FAM181B: variants seen among roughly 807,000 people sequenced by gnomAD.
FAM181B encodes the protein family with sequence similarity 181 member B, also known as protein FAM181B.
A neutral mutation model predicts 17.8 loss-of-function variants in FAM181B; 13 were observed. The observed-to-expected ratio is 0.73, with a 90% CI of 0.48 to 1.16. The LOEUF (loss-of-function observed/expected upper bound fraction) is 1.16. Among genes scored for constraint, FAM181B ranks in the 50% most tolerant of loss-of-function variants. The pLI, the probability that FAM181B is intolerant of heterozygous loss-of-function variation, is 0.00. For synonymous variants in FAM181B, 338 were observed against 316.5 expected (o/e 1.07, Z -0.72); for missense variants, 725 against 634.1 (o/e 1.14, Z -1.54).
In FAM181B at chr11:82,732,445, G is replaced by A. The variant is rs1857141921; in HGVS notation, c.*4C>T. On this transcript the variant is annotated 3_prime_UTR_variant, in exon 1 of 1. Transcript: ENST00000329203. The stretch of plus-strand genomic sequence containing the variant: ...TCTCTAATGAAGGGAAGCGTGCCTC[G>A]AAGTCAGTCCCGGTGCGCCCCCTCC... 1 of 1,612,262 alleles carries A rather than the reference G, an allele frequency of 6.2e-7. No homozygotes were observed.
In FAM181B at chr11:82,730,624, G is replaced by A. The variant is rs1437346168; in HGVS notation, c.*1825C>T. On this transcript the variant is annotated 3_prime_UTR_variant, in exon 1 of 1. Transcript: ENST00000329203. ...ACATTAGCTTTCTGGAGTTGCAAAA[G>A]TTCTTTTCATCATTAACAGTACTCG... The A allele has an allele frequency of 6.6e-6, 1 of 152,188 alleles. No individual in the cohort carries two copies. The highest frequency in any genetic ancestry group is 1.5e-5 in the Non-Finnish European group (1 of 68,034). The allele number at this position is 152,188 out of a possible 1,614,324, so 9.4% of individuals were successfully genotyped here. A position where few individuals can be genotyped will look rare whatever the true frequency, so the allele number is the denominator to read the frequency against.
chr11:82,732,808 A>AGC lies in FAM181B; in HGVS notation c.921_922insGC (p.Phe308AlafsTer31). Reference sequence around the variant, plus strand: ...CCCACCACTGCCGGCGGCGGCTCAAAGAGGCCGGGCTCCAGCTCCGGGGGT... The same window carrying AGC: ...CCCACCACTGCCGGCGGCGGCTCAAAGCGAGGCCGGGCTCCAGCTCCGGGGGT... On this transcript the variant is annotated frameshift_variant, in exon 1 of 1. Coordinates refer to ENST00000329203, the MANE Select transcript of FAM181B (RefSeq NM_175885.4). LOFTEE classifies it high-confidence loss of function. 6.6e-7 allele frequency: 1 copy of AGC among 1,510,492 alleles called. No homozygotes were observed. Among genetic ancestry groups the AGC allele is most frequent in the Non-Finnish European group, 8.9e-7 (1 of 1,128,816 alleles). The allele number at this position is 1,510,492 out of a possible 1,614,324, so 93.6% of individuals were successfully genotyped here. A position where few individuals can be genotyped will look rare whatever the true frequency, so the allele number is the denominator to read the frequency against.
rs1857158985 is a variant in FAM181B at position 82,733,093 on chromosome 11, C to T, written c.637G>A (p.Ala213Thr). The T allele has an allele frequency of 6.7e-7, 1 of 1,495,284 alleles. No individual in the cohort carries two copies. Among genetic ancestry groups the T allele is most frequent in the African/African-American group, 1.5e-5 (1 of 68,888 alleles). The allele number at this position is 1,495,284 out of a possible 1,614,324, so 92.6% of individuals were successfully genotyped here. The change falls in exon 1 of 1, where the codon GCG (alanine) becomes ACG (threonine). Residue 213 changes from alanine (A) to threonine (T), a missense_variant. Coordinates refer to ENST00000329203, the MANE Select transcript of FAM181B (RefSeq NM_175885.4). ...GDVAGPAGATAIPGARKVPLR... is the reference protein window; with the variant it reads ...GDVAGPAGATTIPGARKVPLR... ...GGGACCTTCCTGGCCCCTGGGATCG[C>T]CGTGGCCCCCGCGGGGCCTGCCACG...
rs1323853918 is a variant in FAM181B, at chr11:82,733,622, G to A, written c.108C>T (p.Cys36=). ...CCCCGGTCTCATCGTCCTCGAAACA[G>A]CAGCCCTTGTCCAGGGCTCCGAAGG... ...GGAFGALDKG[C]CFEDDETGAP... is the part of the protein sequence containing the mutation. Residue 36 remains cysteine (C), a synonymous_variant, in exon 1 of 1, where the codon TGC becomes TGT. Transcript: ENST00000329203. 3.1e-6 allele frequency: 5 copies of A among 1,602,048 alleles called. No individual in the cohort carries two copies. The highest frequency in any genetic ancestry group is 2.2e-5 in the East Asian group (1 of 44,524).
rs747888156 is a variant in FAM181B at position 82,732,624 on chromosome 11, T to G, written c.1106A>C (p.His369Pro). The change falls in exon 1 of 1, where the codon CAT (histidine) becomes CCT (proline). Residue 369 changes from histidine to proline, a missense_variant. Physicochemically the swap from His to Pro is moderately conservative, Grantham distance 77 (BLOSUM62 -2). Transcript: ENST00000329203. ...AAAGAAGGGGGCGAAAGAGGCCAAATGGCCCCGCCCGTCCTCCCCGCCGGG... is the reference window on the plus strand; with the variant it reads ...AAAGAAGGGGGCGAAAGAGGCCAAAGGGCCCCGCCCGTCCTCCCCGCCGGG... ...DSPGGEDGRG[H>P]LASFAPFFPD... The G allele has an allele frequency of 1.3e-6, 2 of 1,544,624 alleles. No individual in the cohort carries two copies. Among genetic ancestry groups the G allele is most frequent in the East Asian group, 2.4e-5 (1 of 41,890 alleles).
At position 82,732,690 on chromosome 11, in the gene FAM181B, T is replaced by A; in HGVS notation, c.1040A>T (p.Asn347Ile). The change falls in exon 1 of 1, where the codon AAC becomes ATC. Residue 347 changes from asparagine (N) to isoleucine (I), a missense_variant. Transcript: ENST00000329203. ...LTAPRGGLTL[N>I]EPLSPLYPAA... Reference sequence around the variant, plus strand: ...GGGGTACAGGGGGCTCAAGGGCTCGTTCAAGGTCAAGCCGCCGCGGGGGGC... The same window carrying A: ...GGGGTACAGGGGGCTCAAGGGCTCGATCAAGGTCAAGCCGCCGCGGGGGGC... The A allele has an allele frequency of 1.4e-6, 2 of 1,463,188 alleles. No individual in the cohort carries two copies. The highest frequency in any genetic ancestry group is 2.9e-5 in the South Asian group (2 of 69,218). The allele number at this position is 1,463,188 out of a possible 1,614,324, so 90.6% of individuals were successfully genotyped here. A position where few individuals can be genotyped will look rare whatever the true frequency, so the allele number is the denominator to read the frequency against.
Position 82,732,718 on chromosome 11 carries a change from T to G in FAM181B, c.1012A>C (p.Thr338Pro). The change falls in exon 1 of 1, where the codon ACT becomes CCT. Residue 338 changes from threonine (T) to proline (P), a missense_variant. Transcript: ENST00000329203. ...GCSPTKKSPL[T>P]APRGGLTLNE... ...AAGGTCAAGCCGCCGCGGGGGGCAGTCAGGGGGCTCTTTTTGGTCGGGGAG... is the reference window on the plus strand; with the variant it reads ...AAGGTCAAGCCGCCGCGGGGGGCAGGCAGGGGGCTCTTTTTGGTCGGGGAG... 1 of 1,456,756 alleles carries G rather than the reference T, an allele frequency of 6.9e-7. No homozygotes were observed. The highest frequency in any genetic ancestry group is 9.1e-7 in the Non-Finnish European group (1 of 1,103,240). The allele number at this position is 1,456,756 out of a possible 1,614,324, so 90.2% of individuals were successfully genotyped here.
At position 82,733,372 on chromosome 11, in the gene FAM181B, C is replaced by T; in HGVS notation, c.358G>A (p.Ala120Thr). ...GGCCGTTTGGCTGGCGTGTCGGCGG[C>T]GCTCGGGGAGGGCGGGCCGGGGGGC... ...AAPPGPPSPS[A>T]ADTPAKRPLA... Residue 120 changes from alanine to threonine, a missense_variant, in exon 1 of 1, where the codon GCC becomes ACC. Ala to Thr is a moderately conservative substitution (Grantham distance 58). Transcript: ENST00000329203. 7.1e-7 allele frequency: 1 copy of T among 1,411,998 alleles called. No individual in the cohort carries two copies. The allele number at this position is 1,411,998 out of a possible 1,614,324, so 87.5% of individuals were successfully genotyped here. A position where few individuals can be genotyped will look rare whatever the true frequency, so the allele number is the denominator to read the frequency against.
rs1857124477 is a variant in FAM181B at position 82,731,107 on chromosome 11, G to C, written c.*1342C>G. The C allele has an allele frequency of 6.6e-6, 1 of 152,192 alleles. No individual in the cohort carries two copies. The highest frequency in any genetic ancestry group is 1.5e-5 in the Non-Finnish European group (1 of 68,080). The allele number at this position is 152,192 out of a possible 1,614,324, so 9.4% of individuals were successfully genotyped here. A position where few individuals can be genotyped will look rare whatever the true frequency, so the allele number is the denominator to read the frequency against. On this transcript the variant is annotated 3_prime_UTR_variant, in exon 1 of 1. Coordinates refer to ENST00000329203, the MANE Select transcript of FAM181B (RefSeq NM_175885.4). The stretch of plus-strand genomic sequence containing the variant: ...GTCCTCTCTGCCACATTCATGGCTG[G>C]TAAAAATATTTCTTTTTCCCCAAAT...
At position 82,733,812 on chromosome 11, in the gene FAM181B, C is replaced by T. The variant is rs1857176343; in HGVS notation, c.-83G>A. The T allele has an allele frequency of 1.8e-6, 2 of 1,122,266 alleles. No homozygotes were observed. The highest frequency in any genetic ancestry group is 1.1e-6 in the Non-Finnish European group (1 of 902,940). The allele number at this position is 1,122,266 out of a possible 1,614,324, so 69.5% of individuals were successfully genotyped here. A position where few individuals can be genotyped will look rare whatever the true frequency, so the allele number is the denominator to read the frequency against. On this transcript the variant is annotated 5_prime_UTR_variant, in exon 1 of 1. Transcript: ENST00000329203. ...CGCCGCCCAGACCCAGCTCCCGCCC[C>T]GGCGCGGCGCGCGCGGCGCAGCCTA...
At position 82,730,400 on chromosome 11, in the gene FAM181B, AAGG is replaced by A. The variant is rs904111785; in HGVS notation, c.*2046_*2048del. ...ACCTGTTTTACTACACTAGGTAAGA[AAGG>A]AGAGGAGAATTAAGAAACATTACAA... is the stretch of plus-strand genomic sequence containing the variant. On this transcript the variant is annotated 3_prime_UTR_variant, in exon 1 of 1. Transcript: ENST00000329203. 1 of 152,256 alleles carries A rather than the reference AAGG, an allele frequency of 6.6e-6. No homozygotes were observed. The highest frequency in any genetic ancestry group is 1.5e-5 in the Non-Finnish European group (1 of 68,046). The allele number at this position is 152,256 out of a possible 1,614,324, so 9.4% of individuals were successfully genotyped here.
rs1341196531 is a variant in FAM181B, at chr11:82,733,652, C to T, written c.78G>A (p.Gly26=). Residue 26 remains glycine (G), a synonymous_variant, in exon 1 of 1, where the codon GGG becomes GGA. Transcript: ENST00000329203. The part of the protein sequence containing the change: ...FGFGGSPDGL[G]GAFGALDKGC... The stretch of plus-strand genomic sequence containing the variant: ...CCTTGTCCAGGGCTCCGAAGGCGCC[C>T]CCTAGCCCGTCCGGGGAGCCCCCGA... 6.3e-7 allele frequency: 1 copy of T among 1,581,238 alleles called. No homozygotes were observed. The highest frequency in any genetic ancestry group is 8.6e-7 in the Non-Finnish European group (1 of 1,169,200).
Position 82,732,327 on chromosome 11 carries a change from T to G in FAM181B, c.*122A>C. On this transcript the variant is annotated 3_prime_UTR_variant, in exon 1 of 1. Coordinates refer to ENST00000329203, the MANE Select transcript of FAM181B (RefSeq NM_175885.4). ...TCTGAAGTTGCTTTTATTAATTGAATTTTTAAAAATCTGGTTTCATCTCCA... is the reference window on the plus strand; with the variant it reads ...TCTGAAGTTGCTTTTATTAATTGAAGTTTTAAAAATCTGGTTTCATCTCCA... 1.0e-6 allele frequency: 1 copy of G among 978,366 alleles called. No individual in the cohort carries two copies. Among genetic ancestry groups the G allele is most frequent in the East Asian group, 2.8e-5 (1 of 35,364 alleles). 60.6% of individuals were successfully genotyped at this position (978,366 alleles called of 1,614,324 possible). A position where few individuals can be genotyped will look rare whatever the true frequency, so the allele number is the denominator to read the frequency against.
Position 82,732,854 on chromosome 11 carries a change from G to A in FAM181B, c.876C>T (p.Ala292=), listed in dbSNP as rs183621176. The A allele has an allele frequency of 5.2e-4, 805 of 1,539,584 alleles. 5 individuals carry two copies. The African/African-American group carries it at 0.01, about 20-fold the overall frequency. The part of the protein sequence containing the change: ...LAAEPLDVFP[A]GASVLRGPPE... ...GGGGTCCCCGCAGTACGGAGGCTCC[G>A]GCGGGGAACACGTCGAGAGGCTCGG... Residue 292 remains alanine (A), a synonymous_variant, in exon 1 of 1, where the codon GCC becomes GCT. Transcript: ENST00000329203.
chr11:82,730,529 G>A lies in FAM181B; in HGVS notation c.*1920C>T, dbSNP rs1359124203. The A allele has an allele frequency of 6.6e-6, 1 of 152,114 alleles. No homozygotes were observed. The highest frequency in any genetic ancestry group is 2.4e-5 in the African/African-American group (1 of 41,410). 9.4% of individuals were successfully genotyped at this position (152,114 alleles called of 1,614,324 possible). On this transcript the variant is annotated 3_prime_UTR_variant, in exon 1 of 1. Coordinates refer to ENST00000329203, the MANE Select transcript of FAM181B (RefSeq NM_175885.4). ...CACAACAGTTTAGACAAATTAAATC[G>A]TTATTAAGTAATATTCTGTTAGCAC...
rs368066422 is a variant in FAM181B, at chr11:82,730,311, C to A, written c.*2138G>T. ...TGAGTTAGCTTAAATGCCTGGGATG[C>A]GGAAACAATGTTGATATTATTATTA... On this transcript the variant is annotated 3_prime_UTR_variant, in exon 1 of 1. Coordinates refer to ENST00000329203, the MANE Select transcript of FAM181B (RefSeq NM_175885.4). 1.3e-5 allele frequency: 2 copies of A among 152,082 alleles called. No homozygotes were observed. Among genetic ancestry groups the A allele is most frequent in the Non-Finnish European group, 1.5e-5 (1 of 68,038 alleles). The allele number at this position is 152,082 out of a possible 1,614,324, so 9.4% of individuals were successfully genotyped here.
rs907326010 is a variant in FAM181B at position 82,730,245 on chromosome 11, A to G, written c.*2204T>C. 2 of 152,236 alleles carry G rather than the reference A, an allele frequency of 1.3e-5. No individual in the cohort carries two copies. The highest frequency in any genetic ancestry group is 4.8e-5 in the African/African-American group (2 of 41,468). 9.4% of individuals were successfully genotyped at this position (152,236 alleles called of 1,614,324 possible). A position where few individuals can be genotyped will look rare whatever the true frequency, so the allele number is the denominator to read the frequency against. On this transcript the variant is annotated 3_prime_UTR_variant, in exon 1 of 1. Transcript: ENST00000329203. Reference sequence around the variant, plus strand: ...TTTGGCTAGGGACACAGATCCAAACAGTATCAAGCACCTACATCATGGCAA... The same window carrying G: ...TTTGGCTAGGGACACAGATCCAAACGGTATCAAGCACCTACATCATGGCAA...
chr11:82,732,571 G>A lies in FAM181B; in HGVS notation c.1159C>T (p.Pro387Ser). 6.2e-7 allele frequency: 1 copy of A among 1,608,324 alleles called. No individual in the cohort carries two copies. The highest frequency in any genetic ancestry group is 1.1e-5 in the South Asian group (1 of 90,556). Residue 387 changes from proline to serine, a missense_variant, in exon 1 of 1, where the codon CCG becomes TCG. By Grantham distance (74) the Pro-to-Ser change is moderately conservative. Transcript: ENST00000329203. ...FPDCALPPPP[P>S]PHQVSYDYSA... ...TAATCGTAGGACACCTGATGGGGCGGCGGCGGCGGGGGCAGGGCGCAGTCT... is the reference window on the plus strand; with the variant it reads ...TAATCGTAGGACACCTGATGGGGCGACGGCGGCGGGGGCAGGGCGCAGTCT...
Position 82,732,276 on chromosome 11 carries a change from TC to T in FAM181B, c.*172del. The T allele has an allele frequency of 4.5e-6, 3 of 660,196 alleles. No homozygotes were observed. The highest frequency in any genetic ancestry group is 5.2e-6 in the Non-Finnish European group (2 of 387,442). 40.9% of individuals were successfully genotyped at this position (660,196 alleles called of 1,614,324 possible). A position where few individuals can be genotyped will look rare whatever the true frequency, so the allele number is the denominator to read the frequency against. Reference sequence around the variant, plus strand: ...AACACTTGAGGTTGTGATTAAACAATCCCCAACTCGTCTTCATCTCTTTTTT... The same window carrying T: ...AACACTTGAGGTTGTGATTAAACAATCCCAACTCGTCTTCATCTCTTTTTT... On this transcript the variant is annotated 3_prime_UTR_variant, in exon 1 of 1. Coordinates refer to ENST00000329203, the MANE Select transcript of FAM181B (RefSeq NM_175885.4).
Sources: allele counts gnomAD v4.1 joint callset, GRCh38; gene constraint gnomAD v4.1.1; transcripts MANE v1.5; gene names NCBI Gene and HGNC (gene_info 2026-07-23, HGNC 2026-07-21).